The following COL19A1 variants were observed in gnomAD, a reference collection of about 807,000 sequenced individuals.
The protein encoded by COL19A1 is collagen alpha-1(XIX) chain.
In COL19A1, 159 loss-of-function variants were observed where a neutral mutation model predicts 190.2. The ratio of observed to expected loss-of-function variants is 0.84; its 90% CI spans 0.73 to 0.95. The LOEUF is 0.95. COL19A1 is among the 40% of genes least tolerant of loss of function. COL19A1 has a pLI of 0.00. For missense variants in COL19A1, 1,418 were observed against 1,431.9 expected (o/e 0.99, Z 0.16); for synonymous variants, 509 against 458.9 (o/e 1.11, Z -1.39).
chr6:70,034,415 CT>C, intron 13 of COL19A1, 117 bp downstream of exon 13: 1 of 760,028 alleles, frequency 1.3e-6, no homozygotes, highest in Non-Finnish European at 2.3e-6. Context: ...TAACCAAAAG[CT>C]GTTACCTTAA....
intron 14 of COL19A1, among the ~76,000 whole-genome samples, chr6:70,049,616 A>T (rs1273053309): frequency 6.6e-6 from 1 of 152,040 alleles, no homozygotes; most frequent in Non-Finnish European, 1.5e-5. Context: ...AATTGTTTTC[A>T]TCAAAAGTCC....
intron 42 of COL19A1, 96 bp downstream of exon 42, chr6:70,176,660 C>T: frequency 2.7e-6 from 3 of 1,091,884 alleles, no homozygotes; most frequent in South Asian, 1.8e-5. Flanking sequence ...GGAGAGCATA[C>T]CATAACTCCC....
chr6:69,913,280 A>G (rs1241972085), intron 4 of COL19A1, among the ~76,000 whole-genome samples: 1 of 152,196 alleles, frequency 6.6e-6, no homozygotes, highest in Non-Finnish European at 1.5e-5. Flanking sequence ...CCAGTGAAAG[A>G]ATAAATACTA....
At chr6:70,064,398 C>G (rs1401408852) in intron 14 of COL19A1, among the ~76,000 whole-genome samples, 1 of 152,106 alleles carries the variant, frequency 6.6e-6, no homozygotes, top group African/African-American at 2.4e-5. Flanking sequence ...AGGCCTTTGA[C>G]AAAATTCAAC....
At chr6:69,898,019 G>A (rs1395600733) in intron 2 of COL19A1, among the ~76,000 whole-genome samples, 1 of 152,078 alleles carries the variant, frequency 6.6e-6, no homozygotes, top group Admixed American at 6.5e-5. Flanking sequence ...GGGGGAACTG[G>A]TGAATCGGCA....
intron 4 of COL19A1, among the ~76,000 whole-genome samples, chr6:69,914,589 C>T (rs1000354555): frequency 6.6e-6 from 1 of 152,080 alleles, no homozygotes; most frequent in Non-Finnish European, 1.5e-5. Flanking sequence ...CGATTTTTTT[C>T]CATTTAGCCA....
chr6:69,920,733 A>T (rs1180098351), intron 4 of COL19A1, among the ~76,000 whole-genome samples: 2 of 151,852 alleles, frequency 1.3e-5, no homozygotes, highest in African/African-American at 2.4e-5. Context: ...TAGACAATTT[A>T]AAAAAAGGAT....
chr6:69,905,170 C>A (rs1472105544), intron 4 of COL19A1, among the ~76,000 whole-genome samples: 2 of 152,202 alleles, frequency 1.3e-5, no homozygotes, highest in Non-Finnish European at 2.9e-5. Flanking sequence ...ATTGTCAGGT[C>A]CATGACTACG....
At chr6:70,180,673 G>A (rs1766117060) in intron 44 of COL19A1, 150 bp downstream of exon 44, 4 of 762,520 alleles carry the variant, frequency 5.2e-6, no homozygotes, top group Non-Finnish European at 8.8e-6. Context: ...GGCAAGGGCA[G>A]GAGTTCTTAT....
intron 2 of COL19A1, among the ~76,000 whole-genome samples, chr6:69,887,888 T>C (rs968119257): frequency 6.6e-6 from 1 of 151,948 alleles, no homozygotes; most frequent in African/African-American, 2.4e-5. Flanking sequence ...CTCCTCCCGC[T>C]AAAAAGGGTG....
At chr6:69,931,513 CTA>C (rs1222775558) in intron 6 of COL19A1, among the ~76,000 whole-genome samples, 1 of 152,008 alleles carries the variant, frequency 6.6e-6, no homozygotes, top group Non-Finnish European at 1.5e-5. Flanking sequence ...TATTTATTGA[CTA>C]TTTTGATAAC....
chr6:69,914,997 G>A (rs1416352696), intron 4 of COL19A1, among the ~76,000 whole-genome samples: 1 of 152,028 alleles, frequency 6.6e-6, no homozygotes, highest in Non-Finnish European at 1.5e-5. Flanking sequence ...ACAGGAAACT[G>A]GTAATCATGA....
chr6:69,918,992 A>G (rs144613164), intron 4 of COL19A1, among the ~76,000 whole-genome samples: 1 of 152,336 alleles, frequency 6.6e-6, no homozygotes, highest in Non-Finnish European at 1.5e-5. Context: ...TCCAGAGCAC[A>G]GGAGAGAGAA....
intron 15 of COL19A1, among the ~76,000 whole-genome samples, chr6:70,095,602 A>T (rs1444974106): frequency 6.6e-6 from 1 of 152,214 alleles, no homozygotes; most frequent in African/African-American, 2.4e-5. Flanking sequence ...AGTGTCAAGT[A>T]TATTCACATT....
rs541577740 is a variant in COL19A1 at position 70,163,100 on chromosome 6, A to G, written c.2347-243A>G. ...TTCTTAAGTGTATCAAAAGGTTCCAATTAAGGTCATTAAATGTGGTTGACG... is the reference window on the plus strand; with the variant it reads ...TTCTTAAGTGTATCAAAAGGTTCCAGTTAAGGTCATTAAATGTGGTTGACG... On this transcript the variant is annotated intron_variant, in intron 35 of 50. Coordinates refer to ENST00000620364, the MANE Select transcript of COL19A1 (RefSeq NM_001858.6). Among the ~76,000 whole-genome samples the G allele has an allele frequency of 2.6e-5, 4 of 152,286 alleles. No individual in the cohort carries two copies. The South Asian group carries it at 6.2e-4, about 24-fold the overall frequency.
chr6:69,946,725 A>G (rs1172382234), intron 9 of COL19A1, among the ~76,000 whole-genome samples: 1 of 151,926 alleles, frequency 6.6e-6, no homozygotes, highest in Non-Finnish European at 1.5e-5. Flanking sequence ...GCAGTTGGTA[A>G]TAAAGGTGAA....
intron 11 of COL19A1, among the ~76,000 whole-genome samples, chr6:69,983,861 A>G (rs926279480): frequency 1.3e-5 from 2 of 152,082 alleles, no homozygotes; most frequent in East Asian, 1.9e-4. Flanking sequence ...ATTTGCTACT[A>G]TCATGATTAG....
chr6:70,040,463 G>A (rs2150122636), intron 14 of COL19A1, among the ~76,000 whole-genome samples: 1 of 152,266 alleles, frequency 6.6e-6, no homozygotes, highest in African/African-American at 2.4e-5. Flanking sequence ...CCAGTGACCA[G>A]TGCTTCCTCA....
chr6:70,042,305 C>T (rs978317597), intron 14 of COL19A1, among the ~76,000 whole-genome samples: 3 of 152,118 alleles, frequency 2.0e-5, no homozygotes, highest in South Asian at 2.1e-4. Flanking sequence ...ATTACAGGTT[C>T]GGTTCCGTAC....
Sources: gnomAD v4.1 joint callset for allele counts (sites outside exome capture counted in the v4.1 genomes callset) on GRCh38, gnomAD v4.1.1 for gene constraint, MANE v1.5 for transcripts, NCBI Gene and HGNC (gene_info 2026-07-23, HGNC 2026-07-21) for gene names.